The following LPA variants were observed in gnomAD, a reference collection of about 807,000 sequenced individuals.
LPA encodes apolipoprotein(a).
A neutral mutation model predicts 197.9 loss-of-function variants in LPA; 199 were observed. The ratio of observed to expected loss-of-function variants is 1.01; its 90% CI spans 0.90 to 1.13. LPA has a LOEUF of 1.13. Among genes scored for constraint, LPA ranks in the 50% most tolerant of loss-of-function variants. The pLI is 0.00. For missense variants in LPA, 1,853 were observed against 1,785.8 expected, an observed-to-expected ratio of 1.04 and a Z score of -0.68; for synonymous variants, 715 against 639.5, an observed-to-expected ratio of 1.12 and a Z score of -1.78.
chr6:160,635,684 T>A (rs1779803980), intron 6 of LPA, among the ~76,000 whole-genome samples: 2 of 119,234 alleles, frequency 1.7e-5, no homozygotes, highest in South Asian at 5.1e-4. Context: ...TGTATTCACA[T>A]GCAAATGCAT....
At chr6:160,559,038 C>T (rs183051018) in intron 28 of LPA, among the ~76,000 whole-genome samples, 6 of 152,312 alleles carry the variant, frequency 3.9e-5, no homozygotes, top group Non-Finnish European at 1.5e-5. Context: ...TACTTTCCCA[C>T]AGAGTGAGAT....
intron 14 of LPA, among the ~76,000 whole-genome samples, chr6:160,615,349 A>AATTTCT (rs1562346197): frequency 9.2e-5 from 13 of 141,548 alleles, no homozygotes; most frequent in African/African-American, 3.4e-4. Context: ...GTGTGTTTTC[A>AATTTCT]GTTTGTGTGT....
At chr6:160,587,341 A>T (rs1401480201) in intron 24 of LPA, among the ~76,000 whole-genome samples, 10 of 152,102 alleles carry the variant, frequency 6.6e-5, no homozygotes, top group Admixed American at 5.9e-4. Flanking sequence ...TTTCCACTGA[A>T]TGTCATTGGT....
chr6:160,572,068 G>A (rs894113301), intron 28 of LPA, among the ~76,000 whole-genome samples: 1 of 152,208 alleles, frequency 6.6e-6, no homozygotes, highest in Non-Finnish European at 1.5e-5. Context: ...CATAGTATTT[G>A]TGCCAGAATG....
chr6:160,580,912 T>C (rs962671850), intron 26 of LPA, among the ~76,000 whole-genome samples: 8 of 152,222 alleles, frequency 5.3e-5, no homozygotes, highest in African/African-American at 1.9e-4. Flanking sequence ...TTTTATTCAA[T>C]GAATGTCCAC....
intron 6 of LPA, among the ~76,000 whole-genome samples, chr6:160,635,798 G>T (rs1582894248): frequency 1.1e-5 from 1 of 91,658 alleles, no homozygotes; most frequent in South Asian, 3.2e-4. Flanking sequence ...TCATCCAGGA[G>T]GATAGCCGTT....
chr6:160,558,989 C>T lies in LPA; in HGVS notation c.4632-1418G>A, dbSNP rs962023471. 3.3e-5 allele frequency among the ~76,000 whole-genome samples: 5 copies of T among 152,304 alleles called. No individual in the cohort carries two copies. The East Asian group carries it at 9.6e-4, about 29-fold the overall frequency. ...CAACTGGATGTGCTAAAAGGCTGAG[C>T]GTTTAAAAGCAATTTCTGCCCTTTT... is the stretch of plus-strand genomic sequence containing the variant. On this transcript the variant is annotated intron_variant, in intron 28 of 38. Coordinates refer to ENST00000316300, the MANE Select transcript of LPA (RefSeq NM_005577.4).
rs780436447 is a variant in LPA, at chr6:160,578,549, G to A, written c.4445C>T (p.Pro1482Leu). Residue 1482 changes from proline (P) to leucine (L), a missense_variant, in exon 27 of 39, where the codon CCA becomes CTA. Physicochemically the swap from Pro to Leu is moderately conservative, Grantham distance 98. This residue lies in a region of LPA where 1,737 missense variants were observed against 1,504.4 expected (regional missense o/e 1.15). Coordinates refer to ENST00000316300, the MANE Select transcript of LPA (RefSeq NM_005577.4). ...TTGTTCAGAAGGAGCCTCTGTGCTT[G>A]GAACCGGGGCCACTGTGGGAGTTGT... ...VLTTPTVAPVPSTEAPSEQAP... is the reference protein window; with the variant it reads ...VLTTPTVAPVLSTEAPSEQAP... 2.5e-6 allele frequency: 4 copies of A among 1,613,880 alleles called. No individual in the cohort carries two copies. The South Asian group carries it at 4.4e-5, about 18-fold the overall frequency.
At chr6:160,646,776 G>A (rs528556799) in intron 2 of LPA, among the ~76,000 whole-genome samples, 47 of 145,568 alleles carry the variant, frequency 3.2e-4, no homozygotes, top group African/African-American at 1.2e-3. Flanking sequence ...GTATTCACAT[G>A]CAAATGCATC....
intron 2 of LPA, among the ~76,000 whole-genome samples, chr6:160,648,048 G>C (rs1779933989): frequency 6.6e-6 from 1 of 152,124 alleles, no homozygotes; most frequent in African/African-American, 2.4e-5. Context: ...GTTTAGGGGA[G>C]TGCACAATGT....
chr6:160,557,487 C>G lies in LPA; in HGVS notation c.4716G>C (p.Glu1572Asp), dbSNP rs1459517670. 6.2e-7 allele frequency: 1 copy of G among 1,614,086 alleles called. No homozygotes were observed. The stretch of plus-strand genomic sequence containing the variant: ...CTGAGCATTGTGTCAGATTGCAGTA[C>G]TCCCACCTCACACACGGATCGGTTG... ...CYTTDPCVRW[E>D]YCNLTQCSET... Residue 1572 changes from glutamate (E) to aspartate (D), a missense_variant, in exon 29 of 39, where the codon GAG becomes GAC. Transcript: ENST00000316300.
rs139315768 is a variant in LPA at position 160,582,797 on chromosome 6, C to G, written c.4289+2249G>C. 3.4e-3 allele frequency among the ~76,000 whole-genome samples: 519 copies of G among 152,228 alleles called. 7 individuals are homozygous for G. The highest frequency in any genetic ancestry group is 0.012 in the African/African-American group (488 of 41,574). On this transcript the variant is annotated intron_variant, in intron 26 of 38. Transcript: ENST00000316300. ...AAGTATTTTTTCTGTTCCAATATCT[C>G]TTTCCCTTCCTCTGTGACTTGCTTT...
chr6:160,560,143 T>A (rs1234210668), intron 28 of LPA, among the ~76,000 whole-genome samples: 1 of 152,256 alleles, frequency 6.6e-6, no homozygotes, highest in African/African-American at 2.4e-5. Flanking sequence ...GGCTGCATAG[T>A]ATTCCACAGT....
chr6:160,650,456 C>T lies in LPA; in HGVS notation c.91G>A (p.Gly31Ser), dbSNP rs183171143. Residue 31 changes from glycine to serine, a missense_variant, in exon 2 of 39, where the codon GGT becomes AGT. Physicochemically the swap from Gly to Ser is moderately conservative, Grantham distance 56. This residue lies in a region of LPA where 88 missense variants were observed against 83.0 expected (regional missense o/e 1.06). Transcript: ENST00000316300. ...GTGCCTCGATAACTCTGTCCATCAC[C>T]ATGGTAGCAATCCTGGACCACATGG... ...QSHVVQDCYH[G>S]DGQSYRGTYS... 8 of 1,613,850 alleles carry T rather than the reference C, an allele frequency of 5.0e-6. No individual in the cohort carries two copies. In the East Asian group the frequency reaches 1.6e-4, roughly 31 times the overall value.
At chr6:160,586,326 G>T (rs1199290097) in intron 25 of LPA, 123 bp downstream of exon 25, 15 of 1,135,508 alleles carry the variant, frequency 1.3e-5, no homozygotes, top group Non-Finnish European at 1.8e-5. Flanking sequence ...CCTTCCCATT[G>T]GCTGTCCATG....
intron 16 of LPA, among the ~76,000 whole-genome samples, chr6:160,611,321 T>A (rs142114573): frequency 1.6e-4 from 25 of 152,222 alleles, no homozygotes; most frequent in Non-Finnish European, 3.1e-4. Flanking sequence ...ACTTTCTTCA[T>A]AAGGTGATCT....
intron 28 of LPA, among the ~76,000 whole-genome samples, chr6:160,571,370 G>T (rs1389322538): frequency 6.6e-6 from 1 of 152,100 alleles, no homozygotes; most frequent in Non-Finnish European, 1.5e-5. Context: ...CCCACTTGAG[G>T]AGGCAGTCTG....
chr6:160,542,636 T>C, intron 34 of LPA, 52 bp downstream of exon 34: 1 of 1,610,840 alleles, frequency 6.2e-7, no homozygotes. Context: ...AGAAGGGTTT[T>C]GTGGGGCTTA....
chr6:160,532,964 A>T (rs1055063814), intron 37 of LPA, among the ~76,000 whole-genome samples: 1 of 152,234 alleles, frequency 6.6e-6, no homozygotes, highest in African/African-American at 2.4e-5. Context: ...AGTCTGAGAA[A>T]TACAATTGCT....
Sources: gnomAD v4.1 joint callset for allele counts (sites outside exome capture counted in the v4.1 genomes callset) on GRCh38, gnomAD v4.1.1 for gene constraint, gnomAD v4.1.1 regional missense constraint, MANE v1.5 for transcripts, NCBI Gene and HGNC (gene_info 2026-07-23, HGNC 2026-07-21) for gene names.